Variants in PGGT1B observed in about 807,000 individuals in gnomAD.
PGGT1B encodes protein geranylgeranyltransferase type I subunit beta.
A neutral mutation model predicts 46.1 loss-of-function variants in PGGT1B; 30 were observed. The observed-to-expected ratio is 0.65, with a 90% confidence interval of 0.49 to 0.88. The LOEUF (loss-of-function observed/expected upper bound fraction) is 0.88, where lower values mean the gene tolerates loss of function less well. PGGT1B is among the 40% of genes least tolerant of loss of function. The pLI is 0.00. For missense variants in PGGT1B, 376 were observed against 455.9 expected (o/e 0.82, Z 1.60); for synonymous variants, 170 against 160.0 (o/e 1.06, Z -0.47).
chr5:115,249,475 C>T (rs1433258943), intron 2 of PGGT1B, among the ~76,000 whole-genome samples: 1 of 151,992 alleles, frequency 6.6e-6, no homozygotes, highest in Non-Finnish European at 1.5e-5. Flanking sequence ...TAGGGTTAGA[C>T]CAAACAGGCT....
At chr5:115,236,105 A>G (rs1338159381) in intron 5 of PGGT1B, among the ~76,000 whole-genome samples, 4 of 152,136 alleles carry the variant, frequency 2.6e-5, no homozygotes, top group Non-Finnish European at 4.4e-5. Context: ...GGCTGTCAAT[A>G]TTCGACTTTC....
chr5:115,216,864 C>T lies in PGGT1B; in HGVS notation c.952+1G>A. The T allele has an allele frequency of 7.0e-7, 1 of 1,426,244 alleles. No individual in the cohort carries two copies. The highest frequency in any genetic ancestry group is 9.9e-7 in the Non-Finnish European group (1 of 1,011,978). The allele number at this position is 1,426,244 out of a possible 1,614,324, so 88.3% of individuals were successfully genotyped here. A position where few individuals can be genotyped will look rare whatever the true frequency, so the allele number is the denominator to read the frequency against. ...TTCTGATTCACAAAGAAAATAATTA[C>T]CTGGATGACTGTCTGGCCACTTGGC... On this transcript the variant is annotated splice_donor_variant, in intron 8 of 8. Coordinates refer to ENST00000419445, the MANE Select transcript of PGGT1B (RefSeq NM_005023.4). LOFTEE classifies it high-confidence loss of function.
chr5:115,244,726 G>T (rs1747735848), intron 2 of PGGT1B, among the ~76,000 whole-genome samples: 1 of 151,712 alleles, frequency 6.6e-6, no homozygotes, highest in Non-Finnish European at 1.5e-5. Context: ...AAATAGCTAG[G>T]ACTACAGGCA....
intron 5 of PGGT1B, 72 bp from the exon 6 acceptor site, chr5:115,231,093 A>C: frequency 1.3e-6 from 1 of 775,632 alleles, no homozygotes; most frequent in Non-Finnish European, 2.0e-6. Context: ...TAAGTTGCCA[A>C]TGAACTAAGT....
At position 115,206,891 on chromosome 5, in the gene PGGT1B, TA is replaced by T. The variant is rs1347503251; in HGVS notation, c.*5510del. On this transcript the variant is annotated 3_prime_UTR_variant, in exon 9 of 9. Transcript: ENST00000419445. Reference sequence around the variant, plus strand: ...TTCTTTTCAGTTTCCATGGTTATTCTAGTATGTTCTCTCAAATAACAATATA... The same window carrying T: ...TTCTTTTCAGTTTCCATGGTTATTCTGTATGTTCTCTCAAATAACAATATA... The T allele has an allele frequency of 8.6e-5, 13 of 151,870 alleles. No individual in the cohort carries two copies. Among genetic ancestry groups the T allele is most frequent in the African/African-American group, 3.1e-4 (13 of 41,404 alleles). 9.4% of individuals were successfully genotyped at this position (151,870 alleles called of 1,614,324 possible).
In PGGT1B at chr5:115,210,822, G is replaced by A. The variant is rs923701308; in HGVS notation, c.*1580C>T. On this transcript the variant is annotated 3_prime_UTR_variant, in exon 9 of 9. Transcript: ENST00000419445. Reference sequence around the variant, plus strand: ...GTAGCAACTGGAATAACCCATAGACGGATAACATCTGTTATTAAGCTTACT... The same window carrying A: ...GTAGCAACTGGAATAACCCATAGACAGATAACATCTGTTATTAAGCTTACT... The A allele has an allele frequency of 2.6e-5, 4 of 151,812 alleles. No individual in the cohort carries two copies. The highest frequency in any genetic ancestry group is 9.7e-5 in the African/African-American group (4 of 41,370). The allele number at this position is 151,812 out of a possible 1,614,324, so 9.4% of individuals were successfully genotyped here. A position where few individuals can be genotyped will look rare whatever the true frequency, so the allele number is the denominator to read the frequency against.
intron 4 of PGGT1B, 118 bp from the exon 5 acceptor site, chr5:115,236,640 A>G (rs1246708008): frequency 1.1e-5 from 6 of 551,208 alleles, no homozygotes; most frequent in Non-Finnish European, 1.9e-5. Context: ...TGATTATTCT[A>G]CTTTTATTAT....
chr5:115,220,999 G>C (rs1756572166), intron 7 of PGGT1B, among the ~76,000 whole-genome samples: 1 of 151,922 alleles, frequency 6.6e-6, no homozygotes, highest in Admixed American at 6.6e-5. Flanking sequence ...GAATATGCTT[G>C]AAATTTCCCA....
Position 115,216,990 on chromosome 5 carries a change from A to G in PGGT1B, c.844-17T>C, listed in dbSNP as rs370300155. The G allele has an allele frequency of 2.4e-5, 27 of 1,105,306 alleles. No individual in the cohort carries two copies. The African/African-American group carries it at 4.0e-4, about 17-fold the overall frequency. The allele number at this position is 1,105,306 out of a possible 1,614,324, so 68.5% of individuals were successfully genotyped here. A position where few individuals can be genotyped will look rare whatever the true frequency, so the allele number is the denominator to read the frequency against. ...TTTTAGAAGCTGAAATGACATGACA[A>G]ATAAAAATTTACTGACATAAAACTC... On this transcript the variant is annotated splice_polypyrimidine_tract_variant and intron_variant, in intron 7 of 8. Transcript: ENST00000419445.
chr5:115,234,579 A>G (rs768768861), intron 5 of PGGT1B, among the ~76,000 whole-genome samples: 2 of 152,082 alleles, frequency 1.3e-5, no homozygotes, highest in African/African-American at 2.4e-5. Context: ...AAATAACCTA[A>G]TGGTACTTCA....
intron 1 of PGGT1B, among the ~76,000 whole-genome samples, chr5:115,259,737 G>C (rs1748473792): frequency 7.0e-6 from 1 of 141,958 alleles, no homozygotes; most frequent in Admixed American, 7.0e-5. Flanking sequence ...AAAGAACAAA[G>C]TAGTTGCAGA....
At chr5:115,254,220 T>A (rs994828823) in intron 1 of PGGT1B, among the ~76,000 whole-genome samples, 5 of 152,028 alleles carry the variant, frequency 3.3e-5, no homozygotes, top group African/African-American at 9.7e-5. Flanking sequence ...AGTACTATTA[T>A]CTAGAATAGT....
intron 3 of PGGT1B, among the ~76,000 whole-genome samples, chr5:115,240,806 A>G (rs1561480550): frequency 6.6e-6 from 1 of 152,208 alleles, no homozygotes; most frequent in Non-Finnish European, 1.5e-5. Flanking sequence ...TGGCCCCATC[A>G]GGGAAAAAGT....
At chr5:115,258,384 C>G (rs752053380) in intron 1 of PGGT1B, among the ~76,000 whole-genome samples, 17 of 152,178 alleles carry the variant, frequency 1.1e-4, no homozygotes, top group Non-Finnish European at 1.9e-4. Flanking sequence ...CCTCATTGGT[C>G]TCCCTGGTTC....
rs186279030 is a variant in PGGT1B, at chr5:115,206,582, T to C, written c.*5820A>G. The C allele has an allele frequency of 1.3e-5, 2 of 152,184 alleles. No homozygotes were observed. Among genetic ancestry groups the C allele is most frequent in the Admixed American group, 6.6e-5 (1 of 15,260 alleles). 9.4% of individuals were successfully genotyped at this position (152,184 alleles called of 1,614,324 possible). On this transcript the variant is annotated 3_prime_UTR_variant, in exon 9 of 9. Transcript: ENST00000419445. ...TTATGTGCCAATACAAAACTTTTCA[T>C]TTATTCAACATTACGAATGCCTTCC...
At chr5:115,239,290 C>G (rs1237926246) in intron 3 of PGGT1B, among the ~76,000 whole-genome samples, 1 of 152,148 alleles carries the variant, frequency 6.6e-6, no homozygotes, top group East Asian at 1.9e-4. Context: ...GTGATCCATC[C>G]TCCTCATCCT....
chr5:115,204,667 T>C lies in PGGT1B; in HGVS notation c.*7735A>G, dbSNP rs1756014727. The C allele has an allele frequency of 6.6e-6, 1 of 152,136 alleles. No homozygotes were observed. Among genetic ancestry groups the C allele is most frequent in the African/African-American group, 2.4e-5 (1 of 41,438 alleles). 9.4% of individuals were successfully genotyped at this position (152,136 alleles called of 1,614,324 possible). ...TTGAGTTTATGAATGGCTACACTGTTTCTGGATGGCAATTCTTGGCAGTAA... is the reference window on the plus strand; with the variant it reads ...TTGAGTTTATGAATGGCTACACTGTCTCTGGATGGCAATTCTTGGCAGTAA... On this transcript the variant is annotated 3_prime_UTR_variant, in exon 9 of 9. Coordinates refer to ENST00000419445, the MANE Select transcript of PGGT1B (RefSeq NM_005023.4).
chr5:115,217,069 T>C (rs1279156772), intron 7 of PGGT1B, 96 bp from the exon 8 acceptor site: 2 of 662,812 alleles, frequency 3.0e-6, no homozygotes, highest in Admixed American at 2.7e-5. Flanking sequence ...ATGCTTTTCT[T>C]TAGCTAAGGT....
At chr5:115,234,558 C>A (rs1019341024) in intron 5 of PGGT1B, among the ~76,000 whole-genome samples, 6 of 151,858 alleles carry the variant, frequency 4.0e-5, no homozygotes, top group Non-Finnish European at 8.8e-5. Context: ...AAATGGAATT[C>A]AAAGAGAAAC....
Sources: gnomAD v4.1 joint callset for allele counts (sites outside exome capture counted in the v4.1 genomes callset) on GRCh38, gnomAD v4.1.1 for gene constraint, MANE v1.5 for transcripts, NCBI Gene and HGNC (gene_info 2026-07-23, HGNC 2026-07-21) for gene names.